Variants in TRPM8 observed in about 807,000 individuals in gnomAD.
TRPM8 encodes the protein transient receptor potential cation channel subfamily M member 8.
A neutral mutation model predicts 133.7 loss-of-function variants in TRPM8; 110 were observed. The ratio of observed to expected loss-of-function variants is 0.82; its 90% CI spans 0.70 to 0.96. TRPM8 has a LOEUF of 0.96. Among genes scored for constraint, TRPM8 ranks in the 40% least tolerant of loss-of-function variants. TRPM8 has a pLI of 0.00. For synonymous variants in TRPM8, 535 were observed against 532.3 expected (o/e 1.01, Z -0.07); for missense variants, 1,291 against 1,379.5 (o/e 0.94, Z 1.02).
intron 9 of TRPM8, among the ~76,000 whole-genome samples, chr2:233,951,034 C>CAACA (rs202080767): frequency 0.03 from 4,385 of 146,280 alleles, 198 homozygotes; most frequent in African/African-American, 0.1. Flanking sequence ...GACCCCGTCC[C>CAACA]TACAAACAAA....
chr2:233,964,464 A>G (rs1472301916), intron 13 of TRPM8, among the ~76,000 whole-genome samples, 164 bp from the exon 14 acceptor site: 2 of 148,228 alleles, frequency 1.3e-5, no homozygotes, highest in East Asian at 4.2e-4. Context: ...AGGCAGTAGA[A>G]TCACTTGAAC....
At chr2:233,918,155 G>A (rs926301433) in intron 1 of TRPM8, among the ~76,000 whole-genome samples, 4 of 151,986 alleles carry the variant, frequency 2.6e-5, no homozygotes, top group Non-Finnish European at 4.4e-5. Flanking sequence ...TATTCTATAT[G>A]TGCTAATACA....
At chr2:233,932,166 C>A (rs1691692607) in intron 3 of TRPM8, among the ~76,000 whole-genome samples, 1 of 152,220 alleles carries the variant, frequency 6.6e-6, no homozygotes, top group Non-Finnish European at 1.5e-5. Context: ...ATAATGGGAT[C>A]TTGTGGCTGA....
At chr2:233,981,599 T>C (rs1305601349) in intron 18 of TRPM8, among the ~76,000 whole-genome samples, 175 bp from the exon 19 acceptor site, 1 of 152,168 alleles carries the variant, frequency 6.6e-6, no homozygotes, top group African/African-American at 2.4e-5. Context: ...TTGACTCTAC[T>C]TGAGGCCATG....
At chr2:233,943,267 C>G (rs916462312) in intron 6 of TRPM8, among the ~76,000 whole-genome samples, 2 of 152,052 alleles carry the variant, frequency 1.3e-5, no homozygotes, top group African/African-American at 2.4e-5. Context: ...CCACTCCCCC[C>G]ACTCCCCAAC....
chr2:234,000,861 T>G (rs1692543269), intron 22 of TRPM8, among the ~76,000 whole-genome samples: 1 of 152,100 alleles, frequency 6.6e-6, no homozygotes, highest in Admixed American at 6.5e-5. Flanking sequence ...GTATTTTTAG[T>G]AGGGACAGGT....
At chr2:233,949,356 C>T (rs1238086050) in intron 8 of TRPM8, among the ~76,000 whole-genome samples, 1 of 152,248 alleles carries the variant, frequency 6.6e-6, no homozygotes, top group East Asian at 1.9e-4. Flanking sequence ...TGATCCCCCT[C>T]TGCTGTCCTC....
chr2:233,944,701 T>A (rs1323342233), intron 6 of TRPM8, among the ~76,000 whole-genome samples: 1 of 152,246 alleles, frequency 6.6e-6, no homozygotes, highest in African/African-American at 2.4e-5. Flanking sequence ...AATATGTCAG[T>A]ATGGCCAAAG....
chr2:233,927,509 C>G (rs1399885702), intron 2 of TRPM8, among the ~76,000 whole-genome samples: 1 of 152,154 alleles, frequency 6.6e-6, no homozygotes, highest in Non-Finnish European at 1.5e-5. Flanking sequence ...GACTGAGCAC[C>G]TCCTTGCACT....
intron 5 of TRPM8, among the ~76,000 whole-genome samples, chr2:233,939,854 A>C (rs1690862022): frequency 6.6e-6 from 1 of 152,174 alleles, no homozygotes; most frequent in Admixed American, 6.5e-5. Flanking sequence ...TAACCCCCTA[A>C]GCACATGAGC....
At chr2:233,993,989 C>A (rs558146776) in intron 21 of TRPM8, among the ~76,000 whole-genome samples, 1 of 152,252 alleles carries the variant, frequency 6.6e-6, no homozygotes, top group Middle Eastern at 3.4e-3. Flanking sequence ...AATAGAGCAT[C>A]TATTTCTTTT....
chr2:233,993,048 C>T (rs1200836243), intron 21 of TRPM8, among the ~76,000 whole-genome samples: 1 of 152,166 alleles, frequency 6.6e-6, no homozygotes, highest in Non-Finnish European at 1.5e-5. Flanking sequence ...AGAAAAAGAA[C>T]ATTTTGGAAG....
At chr2:233,964,894 CACAA>C in intron 14 of TRPM8, 137 bp downstream of exon 14, 2 of 859,126 alleles carry the variant, frequency 2.3e-6, no homozygotes, top group Non-Finnish European at 3.3e-6. Flanking sequence ...GGCTGCAGAC[CACAA>C]GGTCTGGATG....
At chr2:233,962,563 G>T (rs1372119828) in intron 12 of TRPM8, among the ~76,000 whole-genome samples, 1 of 152,108 alleles carries the variant, frequency 6.6e-6, no homozygotes, top group African/African-American at 2.4e-5. Context: ...TTGTAATTAT[G>T]GAATTTTTAG....
chr2:234,011,846 G>C (rs1692846451), intron 24 of TRPM8, among the ~76,000 whole-genome samples: 1 of 148,348 alleles, frequency 6.7e-6, no homozygotes, highest in South Asian at 2.1e-4. Flanking sequence ...GAACCTGGGA[G>C]GCAGAGCTTG....
rs376033237 is a variant in TRPM8, at chr2:233,927,843, C to T, written c.117+1189C>T. ...TCCTTCCTTCCTTCCTTCCTTCCTT[C>T]CTTCCTTCCTTTCTTTCTCTTTCTT... On this transcript the variant is annotated intron_variant, in intron 2 of 25. Coordinates refer to ENST00000324695, the MANE Select transcript of TRPM8 (RefSeq NM_024080.5). Among the ~76,000 whole-genome samples the T allele has an allele frequency of 8.8e-3, 493 of 56,280 alleles. 52 individuals are homozygous for T. Among genetic ancestry groups the T allele is most frequent in the East Asian group, 0.015 (23 of 1,536 alleles). 36.9% of individuals were successfully genotyped at this position (56,280 alleles called of 152,430 possible).
intron 8 of TRPM8, chr2:233,947,690 C>T: frequency 4.9e-6 from 5 of 1,019,098 alleles, no homozygotes; most frequent in Non-Finnish European, 6.7e-6. Flanking sequence ...AATTTGACTT[C>T]CCAGCCAATC....
In TRPM8 at chr2:233,927,770, CTTTCTTTCTTTCTTTCTTTCT is replaced by C. The variant is rs796091669; in HGVS notation, c.117+1125_117+1145del. 6.0e-3 allele frequency among the ~76,000 whole-genome samples: 395 copies of C among 65,434 alleles called. 25 individuals are homozygous for C. Among genetic ancestry groups the C allele is most frequent in the African/African-American group, 0.039 (216 of 5,506 alleles). The allele number at this position is 65,434 out of a possible 152,430, so 42.9% of individuals were successfully genotyped here. ...TCTTTCTTTCTTTCTTTCTTTCTTT[CTTTCTTTCTTTCTTTCTTTCT>C]TTTCTTTCCTTCCTTCCTTCCTTCC... On this transcript the variant is annotated intron_variant, in intron 2 of 25. Transcript: ENST00000324695.
Position 233,964,682 on chromosome 2 carries a change from G to T in TRPM8, c.1804G>T (p.Ala602Ser). ...LGASKLLKTL[A>S]KVKNDINAAG... ...AGCCAGCAAGCTTCTGAAGACTCTGGCCAAAGTGAAGAACGACATCAATGC... is the reference window on the plus strand; with the variant it reads ...AGCCAGCAAGCTTCTGAAGACTCTGTCCAAAGTGAAGAACGACATCAATGC... Residue 602 changes from alanine to serine, a missense_variant, in exon 14 of 26, where the codon GCC becomes TCC. By Grantham distance (99) the Ala-to-Ser change is moderately conservative (BLOSUM62 1). Transcript: ENST00000324695. The T allele has an allele frequency of 6.2e-7, 1 of 1,612,804 alleles. No individual in the cohort carries two copies.
Sources: gnomAD v4.1 joint callset for allele counts (sites outside exome capture counted in the v4.1 genomes callset) on GRCh38, gnomAD v4.1.1 for gene constraint, MANE v1.5 for transcripts, NCBI Gene and HGNC (gene_info 2026-07-23, HGNC 2026-07-21) for gene names.